RPA3: variants seen among roughly 807,000 people sequenced by gnomAD.
RPA3 encodes the protein replication protein A 14 kDa subunit.
A neutral mutation model predicts 13.7 loss-of-function variants in RPA3; 24 were observed. The ratio of observed to expected loss-of-function variants is 1.75; its 90% CI spans 1.27 to 2.46. The LOEUF (loss-of-function observed/expected upper bound fraction) is 2.46, where lower values mean the gene tolerates loss of function less well. RPA3 is among the 30% of genes most tolerant of loss of function. RPA3 has a pLI of 0.00. For synonymous variants in RPA3, 59 were observed against 51.2 expected, an observed-to-expected ratio of 1.15 and a Z score of -0.65; for missense variants, 183 against 151.0, an observed-to-expected ratio of 1.21 and a Z score of -1.11.
chr7:7,694,089 A>G (rs1393581460), intron 2 of RPA3, among the ~76,000 whole-genome samples: 1 of 152,112 alleles, frequency 6.6e-6, no homozygotes, highest in Non-Finnish European at 1.5e-5. Context: ...CTCCATACCT[A>G]TAGAGGGGCA....
At chr7:7,638,050 G>C (rs1439065414) in intron 6 of RPA3, 78 bp from the exon 7 acceptor site, 15 of 977,958 alleles carry the variant, frequency 1.5e-5, no homozygotes, top group Non-Finnish European at 1.4e-5. Context: ...TGTTATACAG[G>C]TTACTAATCT....
intron 2 of RPA3, among the ~76,000 whole-genome samples, chr7:7,704,035 C>A (rs1780532352): frequency 6.6e-6 from 1 of 152,110 alleles, no homozygotes; most frequent in Non-Finnish European, 1.5e-5. Context: ...CAACAGTTCT[C>A]AAGGAGATAC....
At chr7:7,705,908 AT>A (rs1583757585) in intron 2 of RPA3, among the ~76,000 whole-genome samples, 1 of 152,206 alleles carries the variant, frequency 6.6e-6, no homozygotes, top group East Asian at 1.9e-4. Context: ...TTATATGGGA[AT>A]TCTCTGTACC....
intron 2 of RPA3, among the ~76,000 whole-genome samples, chr7:7,693,641 A>G (rs1436714247): frequency 1.3e-5 from 2 of 152,136 alleles, no homozygotes; most frequent in African/African-American, 4.8e-5. Context: ...GTTTATTTAA[A>G]TTCTATAACT....
At chr7:7,641,337 T>C (rs1784968824) in intron 4 of RPA3, among the ~76,000 whole-genome samples, 162 bp from the exon 5 acceptor site, 1 of 152,146 alleles carries the variant, frequency 6.6e-6, no homozygotes, top group African/African-American at 2.4e-5. Context: ...TGGCCAGTAC[T>C]AGGGGAGACA....
chr7:7,677,175 A>C (rs1040272198), intron 4 of RPA3, among the ~76,000 whole-genome samples: 1 of 152,182 alleles, frequency 6.6e-6, no homozygotes, highest in African/African-American at 2.4e-5. Context: ...TGACACAGGC[A>C]TATAATGTGT....
In RPA3 at chr7:7,673,348, GCAGCAGCAGCA is replaced by G. The variant is rs777389778; in HGVS notation, c.-758+12471_-758+12481del. On this transcript the variant is annotated intron_variant, in intron 4 of 7. Coordinates refer to ENST00000223129, the MANE Select transcript of RPA3 (RefSeq NM_002947.5). ...AGCAGCAGCAGCAGCAGCAGCAGCAGCAGCAGCAGCAGCAGCAGCAGCAATGTTTCACTTCT... is the reference window on the plus strand; with the variant it reads ...AGCAGCAGCAGCAGCAGCAGCAGCAGGCAGCAGCAGCAATGTTTCACTTCT... 9.4e-6 allele frequency: 12 copies of G among 1,275,350 alleles called. No homozygotes were observed. In the South Asian group the frequency reaches 1.5e-4, roughly 16 times the overall value. 79.0% of individuals were successfully genotyped at this position (1,275,350 alleles called of 1,614,324 possible). A position where few individuals can be genotyped will look rare whatever the true frequency, so the allele number is the denominator to read the frequency against.
At chr7:7,686,540 A>G (rs898976352) in intron 3 of RPA3, among the ~76,000 whole-genome samples, 3 of 152,230 alleles carry the variant, frequency 2.0e-5, no homozygotes, top group African/African-American at 7.2e-5. Flanking sequence ...TCCTGAATGC[A>G]TTACTGAGAA....
chr7:7,655,985 G>A (rs935525954), intron 4 of RPA3, among the ~76,000 whole-genome samples: 5 of 152,040 alleles, frequency 3.3e-5, no homozygotes, highest in African/African-American at 7.2e-5. Context: ...ACAGGCATGC[G>A]CCATCATGCC....
rs1212747814 is a variant in RPA3 at position 7,637,000 on chromosome 7, TC to T, written c.365del (p.Ter122TyrfsTer11). 3 of 1,603,228 alleles carry T rather than the reference TC, an allele frequency of 1.9e-6. No homozygotes were observed. Among genetic ancestry groups the T allele is most frequent in the Non-Finnish European group, 2.6e-6 (3 of 1,171,294 alleles). ...ACAATCGTATGAAAATCCATCAAGA[TC>T]AATCATGTTGCACAATCCCTAAAGG... is the stretch of plus-strand genomic sequence containing the variant. ...FYPLGIVQHD* is the reference protein window; with the variant it reads ...FYPLGIVQHDX On this transcript the variant is annotated frameshift_variant and stop_lost, in exon 8 of 8. Transcript: ENST00000223129. LOFTEE classifies it high-confidence loss of function.
intron 2 of RPA3, among the ~76,000 whole-genome samples, chr7:7,698,078 A>G (rs1366727833): frequency 6.6e-6 from 1 of 152,218 alleles, no homozygotes; most frequent in Non-Finnish European, 1.5e-5. Context: ...GCTAGACAAT[A>G]TGTTATCTGA....
chr7:7,694,563 C>T (rs151239711), intron 2 of RPA3, among the ~76,000 whole-genome samples: 2 of 152,064 alleles, frequency 1.3e-5, no homozygotes, highest in East Asian at 3.9e-4. Flanking sequence ...CTCTGGTAAC[C>T]ATCATTCTAC....
intron 4 of RPA3, among the ~76,000 whole-genome samples, chr7:7,657,564 T>C (rs1393330192): frequency 6.6e-6 from 1 of 152,232 alleles, no homozygotes; most frequent in Non-Finnish European, 1.5e-5. Context: ...ATTTATTACA[T>C]AGGGAGTCCC....
rs28915997 is a variant in RPA3, at chr7:7,670,992, G to C, written c.-758+14838C>G. ...CCCTGTTGGAATTTTTTCCTTTTCG[G>C]TAACTTCCTTGGCTACAACGGAAAT... On this transcript the variant is annotated intron_variant, in intron 4 of 7. Transcript: ENST00000223129. Among the ~76,000 whole-genome samples, 693 of 152,240 alleles carry C rather than the reference G, an allele frequency of 4.6e-3. 7 individuals carry two copies. The highest frequency in any genetic ancestry group is 0.016 in the African/African-American group (667 of 41,550).
chr7:7,675,760 A>T (rs1779723202), intron 4 of RPA3, among the ~76,000 whole-genome samples: 1 of 150,606 alleles, frequency 6.6e-6, no homozygotes, highest in Admixed American at 6.6e-5. Context: ...GTGAGGAATC[A>T]CTTCCGTCGT....
chr7:7,709,747 A>G (rs531995494), intron 2 of RPA3, among the ~76,000 whole-genome samples: 149 of 152,274 alleles, frequency 9.8e-4, no homozygotes, highest in African/African-American at 3.4e-3. Flanking sequence ...GCTCTTGCTT[A>G]TGCAAATCTC....
chr7:7,705,891 GC>G (rs1384638712), intron 2 of RPA3, among the ~76,000 whole-genome samples: 2 of 152,084 alleles, frequency 1.3e-5, no homozygotes, highest in African/African-American at 4.8e-5. Context: ...ATGTGTAGGG[GC>G]AGGAGTTATA....
chr7:7,671,058 C>G (rs779732508), intron 4 of RPA3, among the ~76,000 whole-genome samples: 4 of 152,156 alleles, frequency 2.6e-5, no homozygotes, highest in Non-Finnish European at 4.4e-5. Flanking sequence ...TTTTCTCTGG[C>G]AGCTTCTTAT....
chr7:7,701,026 G>C (rs1289711354), intron 2 of RPA3, among the ~76,000 whole-genome samples: 1 of 152,168 alleles, frequency 6.6e-6, no homozygotes, highest in Non-Finnish European at 1.5e-5. Flanking sequence ...CTCCAGCATG[G>C]GCAACAGAGG....
Sources: gnomAD v4.1 joint callset for allele counts (sites outside exome capture counted in the v4.1 genomes callset) on GRCh38, gnomAD v4.1.1 for gene constraint, MANE v1.5 for transcripts, NCBI Gene and HGNC (gene_info 2026-07-23, HGNC 2026-07-21) for gene names.